Variants in TGFBR3 observed in about 807,000 individuals in gnomAD.
TGFBR3 encodes transforming growth factor beta receptor 3, also known as transforming growth factor beta receptor type 3.
A neutral mutation model predicts 87.9 loss-of-function variants in TGFBR3; 46 were observed. The observed-to-expected ratio is 0.52, with a 90% CI of 0.41 to 0.67. The LOEUF (loss-of-function observed/expected upper bound fraction) is 0.67. Ranked by LOEUF, TGFBR3 falls within the 30% of genes least tolerant of loss-of-function variation. TGFBR3 has a pLI of 0.00. For missense variants in TGFBR3, 866 were observed against 1,041.9 expected (o/e 0.83, Z 2.32); for synonymous variants, 381 against 391.6 (o/e 0.97, Z 0.32).
At chr1:91,772,791 G>A (rs1022729559) in intron 3 of TGFBR3, among the ~76,000 whole-genome samples, 4 of 151,976 alleles carry the variant, frequency 2.6e-5, no homozygotes, top group Non-Finnish European at 4.4e-5. Flanking sequence ...CTTAAATCTT[G>A]GCAAGACCTA....
chr1:91,801,553 G>A (rs751809331), intron 2 of TGFBR3, among the ~76,000 whole-genome samples: 8 of 152,160 alleles, frequency 5.3e-5, no homozygotes, highest in Non-Finnish European at 8.8e-5. Context: ...CTACCGTTTT[G>A]TAACTTACTT....
At chr1:91,715,835 G>A (rs1286857491) in intron 12 of TGFBR3, among the ~76,000 whole-genome samples, 4 of 151,608 alleles carry the variant, frequency 2.6e-5, no homozygotes, top group African/African-American at 9.7e-5. Context: ...CCTGCTGGGG[G>A]CTAAGGGGAC....
chr1:91,801,761 C>T (rs893660517), intron 2 of TGFBR3, among the ~76,000 whole-genome samples: 5 of 152,038 alleles, frequency 3.3e-5, no homozygotes, highest in African/African-American at 1.2e-4. Context: ...CCAGAAATGC[C>T]TTAAGAAACC....
rs1016270043 is a variant in TGFBR3 at position 91,886,046 on chromosome 1, C to G, written c.-282G>C. ...GACTCTCACCTCCTGCAGGGAGCTC[C>G]GGGAATCGCGCAGGGAAAGTGGCCG... On this transcript the variant is annotated 5_prime_UTR_variant, in exon 1 of 17. Coordinates refer to ENST00000212355, the MANE Select transcript of TGFBR3 (RefSeq NM_003243.5). 3.7e-5 allele frequency: 17 copies of G among 453,874 alleles called. No individual in the cohort carries two copies. Among genetic ancestry groups the G allele is most frequent in the Non-Finnish European group, 7.1e-5 (16 of 226,748 alleles). 28.1% of individuals were successfully genotyped at this position (453,874 alleles called of 1,614,324 possible). A position where few individuals can be genotyped will look rare whatever the true frequency, so the allele number is the denominator to read the frequency against.
intron 3 of TGFBR3, among the ~76,000 whole-genome samples, chr1:91,769,817 T>C (rs1674312524): frequency 6.6e-6 from 1 of 151,930 alleles, no homozygotes; most frequent in Admixed American, 6.6e-5. Flanking sequence ...TCCCTAGAGA[T>C]GGGAGTTTCA....
intron 3 of TGFBR3, among the ~76,000 whole-genome samples, chr1:91,759,385 A>C (rs1181932142): frequency 1.1e-5 from 1 of 88,156 alleles, no homozygotes; most frequent in African/African-American, 3.0e-5. Context: ...GCCCCTGTCA[A>C]AAAAAAAAAA....
At chr1:91,888,850 CT>C (rs1454960416), upstream of TGFBR3, among the ~76,000 whole-genome samples, 10 of 152,264 alleles carry the variant, frequency 6.6e-5, no homozygotes, top group East Asian at 1.9e-3. Flanking sequence ...CCATCAACAT[CT>C]GAGCCAGCGT....
intron 1 of TGFBR3, among the ~76,000 whole-genome samples, chr1:91,902,802 G>T (rs765781762): frequency 6.6e-6 from 1 of 151,944 alleles, no homozygotes; most frequent in South Asian, 2.1e-4. Flanking sequence ...ACGGATGATG[G>T]AGGTCAGGAG....
At chr1:91,760,308 C>CA (rs1256297806) in intron 3 of TGFBR3, among the ~76,000 whole-genome samples, 1 of 152,190 alleles carries the variant, frequency 6.6e-6, no homozygotes, top group Non-Finnish European at 1.5e-5. Flanking sequence ...ACCTGATACT[C>CA]AGGTGGCTGA....
intron 1 of TGFBR3, among the ~76,000 whole-genome samples, chr1:91,900,227 C>A (rs1352274087): frequency 6.6e-6 from 1 of 152,172 alleles, no homozygotes; most frequent in African/African-American, 2.4e-5. Context: ...GATTCTCCCA[C>A]CTCAGCCTCC....
chr1:91,753,455 A>G (rs2100878851), intron 4 of TGFBR3, among the ~76,000 whole-genome samples: 1 of 151,186 alleles, frequency 6.6e-6, no homozygotes, highest in African/African-American at 2.4e-5. Context: ...TATGAAATAC[A>G]GTCCACATAC....
intron 4 of TGFBR3, among the ~76,000 whole-genome samples, chr1:91,741,988 C>A (rs1673175270): frequency 6.6e-6 from 1 of 152,184 alleles, no homozygotes; most frequent in Admixed American, 6.5e-5. Flanking sequence ...CATCTCATGC[C>A]ACCCTCCCAC....
At chr1:91,843,788 C>G (rs780629573) in intron 2 of TGFBR3, among the ~76,000 whole-genome samples, 7 of 152,202 alleles carry the variant, frequency 4.6e-5, no homozygotes, top group Non-Finnish European at 1.0e-4. Context: ...TCCTGACTCT[C>G]TGACCTTTCA....
At chr1:91,858,751 T>C (rs149086029) in intron 2 of TGFBR3, among the ~76,000 whole-genome samples, 1 of 151,824 alleles carries the variant, frequency 6.6e-6, no homozygotes, top group East Asian at 2.0e-4. Flanking sequence ...AGTTGCCTCA[T>C]GCTATTATAA....
At chr1:91,797,225 G>T in intron 3 of TGFBR3, 62 bp downstream of exon 3, 1 of 1,569,202 alleles carries the variant, frequency 6.4e-7, no homozygotes, top group Non-Finnish European at 8.8e-7. Flanking sequence ...AAGGACTTCT[G>T]TCCAGAAAAT....
chr1:91,804,487 C>A (rs2101024461), intron 2 of TGFBR3, among the ~76,000 whole-genome samples: 1 of 152,288 alleles, frequency 6.6e-6, no homozygotes, highest in East Asian at 1.9e-4. Context: ...CCATCCTTCC[C>A]CCTTGGCCTC....
intron 1 of TGFBR3, among the ~76,000 whole-genome samples, chr1:91,874,760 TG>T (rs2101255110): frequency 6.6e-6 from 1 of 152,266 alleles, no homozygotes; most frequent in African/African-American, 2.4e-5. Context: ...CCCAAAGTGC[TG>T]GGATTACAGG....
In TGFBR3 at chr1:91,785,317, G is replaced by T. The variant is rs112013392; in HGVS notation, c.246+11970C>A. The stretch of plus-strand genomic sequence containing the variant: ...TTAGTGGCTACCTTGGGCTAGTGCC[G>T]GGTCGTGGGGGGCACACACAGGGAA... On this transcript the variant is annotated intron_variant, in intron 3 of 16. Coordinates refer to ENST00000212355, the MANE Select transcript of TGFBR3 (RefSeq NM_003243.5). 5.0e-3 allele frequency among the ~76,000 whole-genome samples: 769 copies of T among 152,284 alleles called. 7 individuals carry two copies. The highest frequency in any genetic ancestry group is 0.018 in the African/African-American group (748 of 41,546).
chr1:91,860,056 G>C (rs894018662), intron 2 of TGFBR3, among the ~76,000 whole-genome samples: 1 of 152,146 alleles, frequency 6.6e-6, no homozygotes, highest in Non-Finnish European at 1.5e-5. Flanking sequence ...GGGAGATCTG[G>C]TTTCTTCAGT....
Sources: gnomAD v4.1 joint callset for allele counts (sites outside exome capture counted in the v4.1 genomes callset) on GRCh38, gnomAD v4.1.1 for gene constraint, MANE v1.5 for transcripts, NCBI Gene and HGNC (gene_info 2026-07-23, HGNC 2026-07-21) for gene names.